PIEZO2: variants seen among roughly 807,000 people sequenced by gnomAD.
The protein encoded by PIEZO2 is piezo-type mechanosensitive ion channel component 2.
Under a neutral mutation model 337.3 loss-of-function variants are expected in PIEZO2, and 172 were observed. The ratio of observed to expected loss-of-function variants is 0.51; its 90% CI spans 0.45 to 0.58. The LOEUF is 0.58. Ranked by LOEUF, PIEZO2 falls within the 20% of genes least tolerant of loss-of-function variation. PIEZO2 has a pLI of 0.00. For missense variants in PIEZO2, 3,028 were observed against 3,391.3 expected, an observed-to-expected ratio of 0.89 and a Z score of 2.66; for synonymous variants, 1,251 against 1,228.5, an observed-to-expected ratio of 1.02 and a Z score of -0.38.
intron 2 of PIEZO2, among the ~76,000 whole-genome samples, chr18:10,997,198 A>G (rs535057274): frequency 1.3e-5 from 2 of 151,840 alleles, no homozygotes; most frequent in African/African-American, 2.4e-5. Context: ...CTACTCAGAG[A>G]GTGAGACAAA....
chr18:10,780,193 A>G (rs1455188269), intron 18 of PIEZO2, 132 bp downstream of exon 18: 1 of 638,530 alleles, frequency 1.6e-6, no homozygotes, highest in East Asian at 2.7e-5. Context: ...TGCAAAATAC[A>G]TCCATGAGCA....
intron 2 of PIEZO2, among the ~76,000 whole-genome samples, chr18:10,997,386 A>G (rs1049861485): frequency 2.0e-5 from 3 of 152,236 alleles, no homozygotes; most frequent in Non-Finnish European, 4.4e-5. Context: ...ACAAAGAACC[A>G]GGAAAATCTG....
intron 42 of PIEZO2, among the ~76,000 whole-genome samples, chr18:10,703,386 C>T (rs147161591): frequency 2.6e-5 from 4 of 152,360 alleles, no homozygotes; most frequent in East Asian, 3.9e-4. Context: ...TTTGACTTCA[C>T]ATCCTTTATT....
Position 10,742,486 on chromosome 18 carries a change from T to G in PIEZO2, c.4636+8A>C, listed in dbSNP as rs1269647887. The G allele has an allele frequency of 4.6e-6, 7 of 1,537,080 alleles. No individual in the cohort carries two copies. The highest frequency in any genetic ancestry group is 3.9e-5 in the Admixed American group (2 of 50,978). On this transcript the variant is annotated splice_region_variant and intron_variant, in intron 32 of 55. Transcript: ENST00000674853. ...AAACTTGAATAAGAGGAAAATGTCT[T>G]GACATACTTTCATCATCCTCTTCAG...
chr18:11,123,029 T>C (rs1249274207), intron 1 of PIEZO2, among the ~76,000 whole-genome samples: 1 of 152,050 alleles, frequency 6.6e-6, no homozygotes, highest in East Asian at 1.9e-4. Context: ...TGTACTTTTT[T>C]AATCTGTCGG....
chr18:11,055,852 G>T (rs912117767), intron 2 of PIEZO2, among the ~76,000 whole-genome samples: 1 of 152,170 alleles, frequency 6.6e-6, no homozygotes, highest in African/African-American at 2.4e-5. Flanking sequence ...CGTTGTGTGC[G>T]CCCTTCGCTG....
Position 10,911,890 on chromosome 18 carries a change from A to C in PIEZO2, c.287-662T>G, listed in dbSNP as rs3852833. Among the ~76,000 whole-genome samples the C allele has an allele frequency of 2.3e-3, 356 of 152,292 alleles. 2 individuals are homozygous for C. Among genetic ancestry groups the C allele is most frequent in the African/African-American group, 7.9e-3 (329 of 41,570 alleles). ...AAAAATCTAAGTGTGTCCTGCTCAG[A>C]AAAATATGGTGGAACTCTCCTGTTA... On this transcript the variant is annotated intron_variant, in intron 3 of 55. Transcript: ENST00000674853.
Position 10,871,364 on chromosome 18 carries a change from G to A in PIEZO2, c.381C>T (p.Ile127=), listed in dbSNP as rs1476107597. Residue 127 remains isoleucine (I), a synonymous_variant, in exon 5 of 56, where the codon ATC becomes ATT. Transcript: ENST00000674853. Reference sequence around the variant, plus strand: ...TGGTCAGACTAGCAATGAACATCCCGATGTCAGGTACAAACACTCTGATCC... The same window carrying A: ...TGGTCAGACTAGCAATGAACATCCCAATGTCAGGTACAAACACTCTGATCC... ...GNGIRVFVPD[I]GMFIASLTIW... The A allele has an allele frequency of 9.8e-6, 15 of 1,537,226 alleles. No homozygotes were observed. Among genetic ancestry groups the A allele is most frequent in the African/African-American group, 2.7e-5 (2 of 73,016 alleles).
intron 21 of PIEZO2, among the ~76,000 whole-genome samples, chr18:10,765,732 A>G (rs8092939): frequency 0.83 from 125,600 of 151,750 alleles, 52,353 homozygotes; most frequent in African/African-American, 0.92. Flanking sequence ...ACTCGCAGCA[A>G]GTGCAGGAGT....
At chr18:10,887,212 G>T (rs934865564) in intron 4 of PIEZO2, among the ~76,000 whole-genome samples, 1 of 151,682 alleles carries the variant, frequency 6.6e-6, no homozygotes, top group Admixed American at 6.6e-5. Flanking sequence ...TGGGACTACA[G>T]GTGTGCACTA....
intron 2 of PIEZO2, among the ~76,000 whole-genome samples, chr18:11,049,888 G>A (rs896613383): frequency 2.6e-5 from 4 of 152,212 alleles, no homozygotes; most frequent in East Asian, 1.9e-4. Context: ...GCATGAAAAC[G>A]GAGTAATACA....
chr18:10,716,072 G>A lies in PIEZO2; in HGVS notation c.5090-256C>T, dbSNP rs1247996891. On this transcript the variant is annotated intron_variant, in intron 37 of 55. Transcript: ENST00000674853. This position sits in a 1 kb window ranked among gnomAD's most constrained non-coding sequence, Gnocchi z 4.1. ...CTTTAGTGGAAACAGAAAGCAGGGC[G>A]GCTCCCTGTGCAGCTGACCCTTGAA... is the stretch of plus-strand genomic sequence containing the variant. 2.0e-5 allele frequency among the ~76,000 whole-genome samples: 3 copies of A among 152,164 alleles called. No homozygotes were observed. The highest frequency in any genetic ancestry group is 4.1e-4 in the South Asian group (2 of 4,826).
At chr18:10,852,246 A>C (rs2041574840) in intron 7 of PIEZO2, among the ~76,000 whole-genome samples, 1 of 152,194 alleles carries the variant, frequency 6.6e-6, no homozygotes, top group South Asian at 2.1e-4. Context: ...TCTATACAAA[A>C]TTCTTTTCTT....
chr18:10,913,935 T>C (rs1383189111), intron 3 of PIEZO2, among the ~76,000 whole-genome samples: 1 of 152,188 alleles, frequency 6.6e-6, no homozygotes, highest in Non-Finnish European at 1.5e-5. Flanking sequence ...TATTAAAATA[T>C]GGTTTCTGCC....
intron 51 of PIEZO2, 131 bp from the exon 52 acceptor site, chr18:10,680,502 G>T: frequency 3.4e-6 from 3 of 886,354 alleles, no homozygotes; most frequent in Non-Finnish European, 3.4e-6. Context: ...TTTTATAATG[G>T]ATGGTCTTGA....
At chr18:11,050,138 G>T (rs549967222) in intron 2 of PIEZO2, among the ~76,000 whole-genome samples, 2 of 151,886 alleles carry the variant, frequency 1.3e-5, no homozygotes, top group Non-Finnish European at 2.9e-5. Flanking sequence ...TAAAAGACCC[G>T]CATTAATTTA....
rs2033768130 is a variant in PIEZO2, at chr18:10,671,423, C to A, written c.*104G>T. On this transcript the variant is annotated 3_prime_UTR_variant, in exon 56 of 56. Coordinates refer to ENST00000674853, the MANE Select transcript of PIEZO2 (RefSeq NM_001378183.1). ...TTTTGTCTACCTATCAGAAGAGAAA[C>A]AAACCATTTCCGTCGAACTAGAAAT... 3.1e-6 allele frequency: 4 copies of A among 1,280,202 alleles called. No homozygotes were observed. Among genetic ancestry groups the A allele is most frequent in the Middle Eastern group, 2.6e-4 (1 of 3,874 alleles). 79.3% of individuals were successfully genotyped at this position (1,280,202 alleles called of 1,614,324 possible).
chr18:11,022,822 C>T (rs1412685628), intron 2 of PIEZO2, among the ~76,000 whole-genome samples: 1 of 152,126 alleles, frequency 6.6e-6, no homozygotes, highest in Non-Finnish European at 1.5e-5. Flanking sequence ...AGAATGAAGT[C>T]GCGGACCCTC....
At chr18:10,715,916 T>A in intron 37 of PIEZO2, 100 bp from the exon 38 acceptor site, 1 of 957,404 alleles carries the variant, frequency 1.0e-6, no homozygotes, top group Non-Finnish European at 1.5e-6. Flanking sequence ...GACCTGGCTC[T>A]TGGCCCGTGC....
Sources: allele counts gnomAD v4.1 joint callset (sites outside exome capture counted in the v4.1 genomes callset), GRCh38; gene constraint gnomAD v4.1.1; non-coding constraint Gnocchi (gnomAD v3.1); transcripts MANE v1.5; gene names NCBI Gene and HGNC (gene_info 2026-07-23, HGNC 2026-07-21).